The following NFATC2 variants were observed in gnomAD, a reference collection of about 807,000 sequenced individuals.
NFATC2 encodes nuclear factor of activated T cells 2, also known as nuclear factor of activated T-cells, cytoplasmic 2.
A neutral mutation model predicts 87.3 loss-of-function variants in NFATC2; 22 were observed. That is an observed-to-expected ratio of 0.25 (90% CI 0.18 to 0.36). NFATC2 has a LOEUF of 0.36. Ranked by LOEUF, NFATC2 falls within the 10% of genes least tolerant of loss-of-function variation. The pLI is 1.00. For missense variants in NFATC2, 1,149 were observed against 1,259.1 expected, an observed-to-expected ratio of 0.91 and a Z score of 1.32; for synonymous variants, 565 against 542.2, an observed-to-expected ratio of 1.04 and a Z score of -0.58.
intron 6 of NFATC2, among the ~76,000 whole-genome samples, chr20:51,447,674 TC>T (rs1985246332): frequency 6.6e-6 from 1 of 152,216 alleles, no homozygotes; most frequent in Non-Finnish European, 1.5e-5. Flanking sequence ...GGGCCAGGGT[TC>T]CCACTGAAGT....
chr20:51,492,548 T>C (rs1568684959), intron 3 of NFATC2, among the ~76,000 whole-genome samples: 1 of 152,340 alleles, frequency 6.6e-6, no homozygotes, highest in South Asian at 2.1e-4. Flanking sequence ...TTCCTCTCTG[T>C]GCTTCCCTTT....
At chr20:51,426,913 TGAAGAACAGG>T (rs2146320969) in intron 9 of NFATC2, among the ~76,000 whole-genome samples, 1 of 152,192 alleles carries the variant, frequency 6.6e-6, no homozygotes, top group East Asian at 1.9e-4. Flanking sequence ...GCACTTTACA[TGAAGAACAGG>T]GCAGAAGTAG....
rs745581105 is a variant in NFATC2 at position 51,432,060 on chromosome 20, G to A, written c.2722+7C>T. 45 of 1,518,334 alleles carry A rather than the reference G, an allele frequency of 3.0e-5. No individual in the cohort carries two copies. Among genetic ancestry groups the A allele is most frequent in the Middle Eastern group, 1.8e-4 (1 of 5,606 alleles). The allele number at this position is 1,518,334 out of a possible 1,614,324, so 94.1% of individuals were successfully genotyped here. A position where few individuals can be genotyped will look rare whatever the true frequency, so the allele number is the denominator to read the frequency against. On this transcript the variant is annotated splice_region_variant and intron_variant, in intron 9 of 10. Coordinates refer to ENST00000371564, the MANE Select transcript of NFATC2 (RefSeq NM_012340.5). This position sits in a 1 kb window ranked among gnomAD's most constrained non-coding sequence, Gnocchi z 4.6. Reference sequence around the variant, plus strand: ...TTACAGGCAGTGACAAAACTCAAGCGTCTTACCATCATCCAAGTAGGTCTG... The same window carrying A: ...TTACAGGCAGTGACAAAACTCAAGCATCTTACCATCATCCAAGTAGGTCTG...
intron 9 of NFATC2, among the ~76,000 whole-genome samples, chr20:51,420,172 A>C (rs6021193): frequency 6.6e-6 from 1 of 152,124 alleles, no homozygotes; most frequent in Non-Finnish European, 1.5e-5. Context: ...TTGATGAAGG[A>C]AAGTTTCTCT....
chr20:51,429,565 G>A (rs959933786), intron 9 of NFATC2, among the ~76,000 whole-genome samples: 2 of 152,314 alleles, frequency 1.3e-5, no homozygotes, highest in Admixed American at 6.5e-5. Context: ...TGTGTAGCAC[G>A]ACTCCCGGGC....
intron 5 of NFATC2, among the ~76,000 whole-genome samples, chr20:51,469,840 C>G (rs990911981): frequency 1.3e-5 from 2 of 152,168 alleles, no homozygotes; most frequent in Non-Finnish European, 2.9e-5. Context: ...AGGAACCAAC[C>G]CTGCTGACAC....
intron 10 of NFATC2, among the ~76,000 whole-genome samples, chr20:51,396,910 T>C (rs1987235935): frequency 6.6e-6 from 1 of 152,028 alleles, no homozygotes; most frequent in South Asian, 2.1e-4. Context: ...CTGCTGGTCT[T>C]GAGCCCTCCC....
At chr20:51,504,032 C>T (rs2076135364) in intron 3 of NFATC2, among the ~76,000 whole-genome samples, 1 of 149,032 alleles carries the variant, frequency 6.7e-6, no homozygotes, top group African/African-American at 2.5e-5. Flanking sequence ...TTTTTGTTTG[C>T]TTGTTTTGAG....
intron 3 of NFATC2, among the ~76,000 whole-genome samples, chr20:51,513,297 G>A (rs1256128610): frequency 1.3e-5 from 2 of 152,032 alleles, no homozygotes; most frequent in Non-Finnish European, 2.9e-5. Flanking sequence ...AAGCAACGCA[G>A]GGAGACCATG....
chr20:51,500,148 C>T (rs1312773071), intron 3 of NFATC2, among the ~76,000 whole-genome samples: 1 of 152,050 alleles, frequency 6.6e-6, no homozygotes, highest in East Asian at 1.9e-4. Context: ...AAAGGTCTGG[C>T]ACGTAGGAAT....
At position 51,391,242 on chromosome 20, in the gene NFATC2, G is replaced by C. The variant is rs753422532; in HGVS notation, c.*254C>G. 1.3e-6 allele frequency: 1 copy of C among 790,916 alleles called. No homozygotes were observed. The highest frequency in any genetic ancestry group is 2.3e-6 in the Non-Finnish European group (1 of 439,652). The allele number at this position is 790,916 out of a possible 1,614,324, so 49.0% of individuals were successfully genotyped here. On this transcript the variant is annotated 3_prime_UTR_variant, in exon 11 of 11. Coordinates refer to ENST00000371564, the MANE Select transcript of NFATC2 (RefSeq NM_012340.5). ...TCTCTGGTGTTTAGAGGGAGGTGGC[G>C]AGCTCCTTAAGTGAGAGTCCGCTTA...
At chr20:51,528,414 TACACAGACAGATGTAC>T (rs949565541) in intron 1 of NFATC2, among the ~76,000 whole-genome samples, 12 of 126,878 alleles carry the variant, frequency 9.5e-5, no homozygotes, top group African/African-American at 3.2e-4. Flanking sequence ...ACACACAATG[TACACAGACAGATGTAC>T]ACACAGATGT....
At chr20:51,396,194 TAA>T (rs899485261) in intron 10 of NFATC2, among the ~76,000 whole-genome samples, 6 of 151,674 alleles carry the variant, frequency 4.0e-5, no homozygotes, top group African/African-American at 1.5e-4. Context: ...TTCTAAAAGC[TAA>T]AACTGACTTC....
chr20:51,450,393 C>T (rs995302788), intron 6 of NFATC2, among the ~76,000 whole-genome samples: 1 of 152,096 alleles, frequency 6.6e-6, no homozygotes, highest in East Asian at 1.9e-4. Context: ...AAAGCACACG[C>T]CTGTAATCCC....
chr20:51,393,074 A>G (rs1986557619), intron 10 of NFATC2, among the ~76,000 whole-genome samples: 1 of 152,146 alleles, frequency 6.6e-6, no homozygotes, highest in East Asian at 1.9e-4. Context: ...GCTGGTGGTT[A>G]TGATGGTTAG....
intron 2 of NFATC2, among the ~76,000 whole-genome samples, chr20:51,522,767 C>T (rs773829963): frequency 5.8e-4 from 89 of 152,254 alleles, no homozygotes; most frequent in Admixed American, 1.4e-3. Flanking sequence ...GTAACAGAAT[C>T]TGCCACCTAG....
intron 9 of NFATC2, among the ~76,000 whole-genome samples, chr20:51,414,694 G>GA (rs113845113): frequency 5.1e-4 from 73 of 143,498 alleles, no homozygotes; most frequent in African/African-American, 1.0e-3. Context: ...GTTAAAAAAA[G>GA]AAAAAAAAAA....
intron 3 of NFATC2, among the ~76,000 whole-genome samples, chr20:51,497,355 C>T (rs1600873248): frequency 1.3e-5 from 2 of 152,300 alleles, no homozygotes; most frequent in Admixed American, 6.5e-5. Flanking sequence ...AGAAGATGCA[C>T]GTGAGAACGA....
chr20:51,561,418 A>G (rs1324873086), intron 1 of NFATC2, among the ~76,000 whole-genome samples: 10 of 143,944 alleles, frequency 6.9e-5, no homozygotes, highest in East Asian at 2.0e-4. Flanking sequence ...GAAAGAAAGA[A>G]AGAGAGAGAA....
Sources: allele counts gnomAD v4.1 joint callset (sites outside exome capture counted in the v4.1 genomes callset), GRCh38; gene constraint gnomAD v4.1.1; non-coding constraint Gnocchi (gnomAD v3.1); transcripts MANE v1.5; gene names NCBI Gene and HGNC (gene_info 2026-07-23, HGNC 2026-07-21).